SUGCT: variants seen among roughly 807,000 people sequenced by gnomAD.
SUGCT encodes succinyl-CoA:glutarate-CoA transferase.
A neutral mutation model predicts 55.0 loss-of-function variants in SUGCT; 41 were observed. The ratio of observed to expected loss-of-function variants is 0.74; its 90% confidence interval spans 0.58 to 0.97. The LOEUF is 0.97. Among genes scored for constraint, SUGCT ranks in the 50% least tolerant of loss-of-function variants. SUGCT has a pLI of 0.00. For synonymous variants in SUGCT, 187 were observed against 200.4 expected, an observed-to-expected ratio of 0.93 and a Z score of 0.56; for missense variants, 568 against 547.8, an observed-to-expected ratio of 1.04 and a Z score of -0.37.
In SUGCT at chr7:40,292,924, T is replaced by C. The variant is rs1451583625; in HGVS notation, c.720+18268T>C. On this transcript the variant is annotated intron_variant, in intron 8 of 13. Coordinates refer to ENST00000335693, the MANE Select transcript of SUGCT (RefSeq NM_001193313.2). ...GTATTTTCTAACTATCCCCAAGCTG[T>C]TGCAGATTGGTATGTAACGTCATGA... 2.0e-5 allele frequency among the ~76,000 whole-genome samples: 3 copies of C among 152,190 alleles called. No individual in the cohort carries two copies. In the East Asian group the frequency reaches 5.8e-4, roughly 29 times the overall value.
At chr7:40,963,052 G>T in the SUGCT span, among the ~76,000 whole-genome samples, 3 of 152,080 alleles carry the variant, frequency 2.0e-5, no homozygotes, top group Non-Finnish European at 4.4e-5. Flanking sequence ...TATAAACAAA[G>T]AAACATTATT....
At chr7:40,413,513 A>G (rs955904595) in intron 9 of SUGCT, among the ~76,000 whole-genome samples, 1 of 152,218 alleles carries the variant, frequency 6.6e-6, no homozygotes, top group African/African-American at 2.4e-5. Flanking sequence ...AAACATTTAT[A>G]TACTATTTGG....
chr7:40,916,274 G>T, the SUGCT span, among the ~76,000 whole-genome samples: 195 of 152,056 alleles, frequency 1.3e-3, 3 homozygotes, highest in South Asian at 7.1e-3. Context: ...GTCTAGGTAT[G>T]GGTCCACTTA....
chr7:40,567,534 CT>C lies in SUGCT; in HGVS notation c.1089+71150del, dbSNP rs572153751. On this transcript the variant is annotated intron_variant, in intron 12 of 13. Transcript: ENST00000335693. ...TGAAAAGTTACTGAATAGGGGATTT[CT>C]TCTAGCACTCTGGGCATTTCAATGT... Among the ~76,000 whole-genome samples, 88 of 152,304 alleles carry C rather than the reference CT, an allele frequency of 5.8e-4. 1 individual carries two copies. The highest frequency in any genetic ancestry group is 2.0e-3 in the African/African-American group (83 of 41,578).
rs118057439 is a variant in SUGCT at position 40,319,044 on chromosome 7, T to C, written c.816+2189T>C. Among the ~76,000 whole-genome samples the C allele has an allele frequency of 4.8e-3, 738 of 152,324 alleles. 3 individuals are homozygous for C. The highest frequency in any genetic ancestry group is 0.041 in the Middle Eastern group (12 of 294). ...TTGGAAAGTAAAAGACATAGGATTT[T>C]TTTTCTCTTTCTCTCTGTGTGTGTA... On this transcript the variant is annotated intron_variant, in intron 9 of 13. Coordinates refer to ENST00000335693, the MANE Select transcript of SUGCT (RefSeq NM_001193313.2).
chr7:40,949,188 C>A, the SUGCT span, among the ~76,000 whole-genome samples: 1 of 152,156 alleles, frequency 6.6e-6, no homozygotes, highest in African/African-American at 2.4e-5. Context: ...TTTTGATTTG[C>A]ATTTCTCTGA....
intron 9 of SUGCT, among the ~76,000 whole-genome samples, chr7:40,431,794 A>G (rs1467862895): frequency 1.3e-5 from 2 of 152,140 alleles, no homozygotes; most frequent in Admixed American, 1.3e-4. Flanking sequence ...GCCGTCATAA[A>G]TGGGATTTTT....
intron 8 of SUGCT, among the ~76,000 whole-genome samples, chr7:40,292,199 C>T (rs1011274071): frequency 1.3e-5 from 2 of 152,156 alleles, no homozygotes; most frequent in Non-Finnish European, 2.9e-5. Flanking sequence ...TCAAGCTTTA[C>T]ATTGCTGGTG....
chr7:40,506,053 G>T (rs1792570614), intron 12 of SUGCT, among the ~76,000 whole-genome samples: 1 of 152,004 alleles, frequency 6.6e-6, no homozygotes, highest in Non-Finnish European at 1.5e-5. Context: ...GTATTGTTTT[G>T]TGAAATTGCA....
At chr7:40,195,152 T>A (rs945772098) in intron 6 of SUGCT, 92 bp downstream of exon 6, 57 of 1,385,586 alleles carry the variant, frequency 4.1e-5, no homozygotes, top group Middle Eastern at 4.4e-4. Context: ...GCTTTTTTTT[T>A]TTTTGGAAGT....
At chr7:40,227,022 A>T (rs918464228) in intron 6 of SUGCT, among the ~76,000 whole-genome samples, 1 of 149,936 alleles carries the variant, frequency 6.7e-6, no homozygotes, top group African/African-American at 2.4e-5. Context: ...CACCTAAAGT[A>T]GAGAGAATAG....
At chr7:40,673,422 C>G (rs1342306615) in intron 12 of SUGCT, among the ~76,000 whole-genome samples, 2 of 152,184 alleles carry the variant, frequency 1.3e-5, no homozygotes, top group Admixed American at 6.5e-5. Flanking sequence ...CTTCCCGTGG[C>G]CTTTCATCAT....
chr7:40,946,024 A>C, the SUGCT span, among the ~76,000 whole-genome samples: 2,268 of 152,070 alleles, frequency 0.015, 53 homozygotes, highest in African/African-American at 0.05. Flanking sequence ...TGCCAGCTGT[A>C]GTAGTGATTC....
Position 40,856,775 on chromosome 7 carries a change from C to T in SUGCT, c.1154-3541C>T, listed in dbSNP as rs143374158. Among the ~76,000 whole-genome samples, 229 of 152,190 alleles carry T rather than the reference C, an allele frequency of 1.5e-3. 2 individuals are homozygous for T. The highest frequency in any genetic ancestry group is 5.2e-3 in the African/African-American group (214 of 41,532). On this transcript the variant is annotated intron_variant, in intron 13 of 13. Coordinates refer to ENST00000335693, the MANE Select transcript of SUGCT (RefSeq NM_001193313.2). ...AGTGGGATTTCTCCATCCAAGTATG[C>T]GAACACTTAAAAGTCTTGATATTTA...
chr7:40,968,200 A>G, the SUGCT span: 1 of 152,244 alleles, frequency 6.6e-6, no homozygotes, highest in Non-Finnish European at 1.5e-5. Flanking sequence ...AAAGAATAAA[A>G]TAGGATGAGG....
intron 9 of SUGCT, among the ~76,000 whole-genome samples, chr7:40,320,271 G>A (rs10265895): frequency 0.57 from 86,031 of 151,540 alleles, 25,400 homozygotes; most frequent in Non-Finnish European, 0.66. Flanking sequence ...ACGCCTGGCT[G>A]GTTTTTGTAT....
rs1267191622 is a variant in SUGCT, at chr7:40,607,182, A to T, written c.1089+110796A>T. Among the ~76,000 whole-genome samples the T allele has an allele frequency of 2.0e-5, 3 of 151,174 alleles. No homozygotes were observed. In the East Asian group the frequency reaches 5.8e-4, roughly 29 times the overall value. On this transcript the variant is annotated intron_variant, in intron 12 of 13. Coordinates refer to ENST00000335693, the MANE Select transcript of SUGCT (RefSeq NM_001193313.2). ...TGCAGTGATACAATTATAGCTCACTACAGCCTCAACCTCTGGGCTCAAGTT... is the reference window on the plus strand; with the variant it reads ...TGCAGTGATACAATTATAGCTCACTTCAGCCTCAACCTCTGGGCTCAAGTT...
At chr7:40,635,739 G>A (rs1289747315) in intron 12 of SUGCT, among the ~76,000 whole-genome samples, 2 of 152,080 alleles carry the variant, frequency 1.3e-5, no homozygotes, top group Non-Finnish European at 2.9e-5. Flanking sequence ...TTTATTAAAC[G>A]AAGGGGCAAG....
chr7:40,311,454 G>T (rs1396592311), intron 8 of SUGCT, among the ~76,000 whole-genome samples: 1 of 152,216 alleles, frequency 6.6e-6, no homozygotes, highest in African/African-American at 2.4e-5. Flanking sequence ...TCTGCAAGAT[G>T]TGCAAAGAAT....
Sources: allele counts gnomAD v4.1 joint callset (sites outside exome capture counted in the v4.1 genomes callset), GRCh38; gene constraint gnomAD v4.1.1; transcripts MANE v1.5; gene names NCBI Gene and HGNC (gene_info 2026-07-23, HGNC 2026-07-21).